C6orf132: variants seen among roughly 807,000 people sequenced by gnomAD.
C6orf132 encodes uncharacterized protein C6orf132.
A neutral mutation model predicts 65.3 loss-of-function variants in C6orf132; 43 were observed. The observed-to-expected ratio is 0.66, with a 90% CI of 0.52 to 0.85. C6orf132 has a LOEUF of 0.85. Ranked by LOEUF, C6orf132 falls within the 40% of genes least tolerant of loss-of-function variation. The probability of loss-of-function intolerance (pLI) is 0.00; values close to 1 mark genes in which losing one functional copy is unlikely to be tolerated. For missense variants in C6orf132, 1,488 were observed against 1,548.8 expected (o/e 0.96, Z 0.66); for synonymous variants, 631 against 654.1 (o/e 0.96, Z 0.54).
chr6:42,105,658 C>T lies in C6orf132; in HGVS notation c.2254G>A (p.Ala752Thr). ...GGAGATGTCTTTGGTGGGAAGGCTG[C>T]AGATGAGCGGGCTCCCTGTGTGGGC... ...RLPTQGARSS[A>T]AFPPKTSPGG... The change falls in exon 4 of 5, where the codon GCA becomes ACA. Residue 752 changes from alanine to threonine, a missense_variant. Coordinates refer to ENST00000341865, the MANE Select transcript of C6orf132 (RefSeq NM_001164446.3). The T allele has an allele frequency of 6.5e-7, 1 of 1,537,258 alleles. No homozygotes were observed. Among genetic ancestry groups the T allele is most frequent in the East Asian group, 2.4e-5 (1 of 40,928 alleles).
chr6:42,142,518 G>T lies in C6orf132; in HGVS notation c.-74C>A. ...CCTGCCCTGCCCCGGACTGAACTCA[G>T]CACGGTCTCCCCAGGGGACTCTACC... On this transcript the variant is annotated 5_prime_UTR_variant, in exon 1 of 5. The change creates a new upstream start codon in the 5' untranslated region. Transcript: ENST00000341865. 3 of 1,418,518 alleles carry T rather than the reference G, an allele frequency of 2.1e-6. No homozygotes were observed. Among genetic ancestry groups the T allele is most frequent in the Non-Finnish European group, 2.8e-6 (3 of 1,066,110 alleles). 87.9% of individuals were successfully genotyped at this position (1,418,518 alleles called of 1,614,324 possible).
At chr6:42,131,278 C>A (rs372523703) in intron 1 of C6orf132, among the ~76,000 whole-genome samples, 1 of 152,346 alleles carries the variant, frequency 6.6e-6, no homozygotes, top group East Asian at 1.9e-4. Flanking sequence ...ACCTCAGCAT[C>A]CCAAACTGCT....
chr6:42,138,677 G>C (rs1167459458), intron 1 of C6orf132, among the ~76,000 whole-genome samples: 1 of 152,130 alleles, frequency 6.6e-6, no homozygotes. Context: ...AGCAAACAAG[G>C]GTGTCCCATT....
intron 2 of C6orf132, among the ~76,000 whole-genome samples, chr6:42,112,194 A>G (rs1766507372): frequency 6.6e-6 from 1 of 152,226 alleles, no homozygotes; most frequent in Non-Finnish European, 1.5e-5. Context: ...TGTATAGAAG[A>G]GGATGTCATC....
chr6:42,111,878 C>T (rs1014984469), intron 2 of C6orf132, among the ~76,000 whole-genome samples: 16 of 152,114 alleles, frequency 1.1e-4, no homozygotes, highest in Middle Eastern at 3.2e-3. Context: ...AAAGTCCACA[C>T]ACCTGCTGTT....
chr6:42,125,694 C>A (rs112996959), intron 2 of C6orf132, among the ~76,000 whole-genome samples: 1 of 152,222 alleles, frequency 6.6e-6, no homozygotes, highest in African/African-American at 2.4e-5. Flanking sequence ...CCCAAAAGAA[C>A]TGCTCCCAGG....
In C6orf132 at chr6:42,131,601, G is replaced by A. The variant is rs554564185; in HGVS notation, c.146-2823C>T. 2.6e-5 allele frequency among the ~76,000 whole-genome samples: 4 copies of A among 152,284 alleles called. No individual in the cohort carries two copies. The East Asian group carries it at 7.7e-4, about 29-fold the overall frequency. On this transcript the variant is annotated intron_variant, in intron 1 of 4. Transcript: ENST00000341865. ...TACGGGGGTGAGGAAGGCTCGGCTC[G>A]GCTCTGGCCAAGGAGCAGCTCTGGG...
chr6:42,105,560 C>T lies in C6orf132; in HGVS notation c.2352G>A (p.Val784=). Residue 784 remains valine (V), a synonymous_variant, in exon 4 of 5, where the codon GTG becomes GTA. Coordinates refer to ENST00000341865, the MANE Select transcript of C6orf132 (RefSeq NM_001164446.3). The part of the protein sequence containing the change: ...HQSSLSREVA[V]VMPTLARGGA... Reference sequence around the variant, plus strand: ...CTCCTCTGGCCAGGGTGGGCATCACCACAGCAACCTCACGGCTGAGGCTGC... The same window carrying T: ...CTCCTCTGGCCAGGGTGGGCATCACTACAGCAACCTCACGGCTGAGGCTGC... 6.5e-7 allele frequency: 1 copy of T among 1,536,320 alleles called. No homozygotes were observed. The highest frequency in any genetic ancestry group is 8.7e-7 in the Non-Finnish European group (1 of 1,146,558).
chr6:42,105,729 G>T lies in C6orf132; in HGVS notation c.2183C>A (p.Pro728His), dbSNP rs1237001521. ...GGACCCCTCTCCCCTTGCCTGGGAG[G>T]GAGTGGAAACTTCTTGAGATGCTGG... ...EKPASQEVSTPSQARGEGSPS... is the reference protein window; with the variant it reads ...EKPASQEVSTHSQARGEGSPS... Residue 728 changes from proline (P) to histidine (H), a missense_variant, in exon 4 of 5, where the codon CCC (proline) becomes CAC (histidine). Transcript: ENST00000341865. The T allele has an allele frequency of 1.0e-5, 16 of 1,537,204 alleles. No individual in the cohort carries two copies. The highest frequency in any genetic ancestry group is 1.4e-5 in the African/African-American group (1 of 73,072).
At position 42,104,422 on chromosome 6, in the gene C6orf132, A is replaced by G; in HGVS notation, c.3449+41T>C. ...CTCCTTGGCCCTCGCCTGGCTTTCC[A>G]CCCCTCCTGGCTTCCCGCACCAGCC... On this transcript the variant is annotated intron_variant, in intron 4 of 4. Coordinates refer to ENST00000341865, the MANE Select transcript of C6orf132 (RefSeq NM_001164446.3). This position sits in a 1 kb window ranked among gnomAD's most constrained non-coding sequence, Gnocchi z 4.1. The G allele has an allele frequency of 8.1e-7, 1 of 1,228,714 alleles. No individual in the cohort carries two copies. The highest frequency in any genetic ancestry group is 1.6e-5 in the African/African-American group (1 of 64,194). 76.1% of individuals were successfully genotyped at this position (1,228,714 alleles called of 1,614,324 possible).
intron 1 of C6orf132, among the ~76,000 whole-genome samples, chr6:42,129,773 AT>A: frequency 6.6e-6 from 1 of 152,202 alleles, no homozygotes; most frequent in Non-Finnish European, 1.5e-5. Flanking sequence ...GCTTTCTTCC[AT>A]TTAACGAAGT....
At chr6:42,107,879 C>T (rs1010878340) in intron 3 of C6orf132, among the ~76,000 whole-genome samples, 5 of 152,100 alleles carry the variant, frequency 3.3e-5, no homozygotes, top group Non-Finnish European at 5.9e-5. Flanking sequence ...CCGGGACTCC[C>T]TTGCCCCCTG....
At position 42,142,456 on chromosome 6, in the gene C6orf132, C is replaced by A. The variant is rs1409287262; in HGVS notation, c.-12G>T. On this transcript the variant is annotated 5_prime_UTR_variant, in exon 1 of 5. Transcript: ENST00000341865. ...TGCTTCTTTTTCATGCTGCCGCAGC[C>A]CGCGCGGGCGCCAGGGAAGGACCTT... The A allele has an allele frequency of 3.2e-6, 5 of 1,549,180 alleles. No homozygotes were observed. The highest frequency in any genetic ancestry group is 4.4e-6 in the Non-Finnish European group (5 of 1,145,892).
chr6:42,121,283 T>C (rs956143866), intron 2 of C6orf132, among the ~76,000 whole-genome samples: 7 of 152,280 alleles, frequency 4.6e-5, no homozygotes, highest in African/African-American at 1.7e-4. Flanking sequence ...TCTGAGGAAA[T>C]GGGTTCTTCC....
At chr6:42,116,119 G>A (rs138916810) in intron 2 of C6orf132, among the ~76,000 whole-genome samples, 1,822 of 151,446 alleles carry the variant, frequency 0.012, 18 homozygotes, top group Non-Finnish European at 0.021. Flanking sequence ...TGGTGGAGAC[G>A]GGGTTTCACT....
rs1444699512 is a variant in C6orf132, at chr6:42,105,678, G to C, written c.2234C>G (p.Thr745Arg). Residue 745 changes from threonine (T) to arginine (R), a missense_variant, in exon 4 of 5, where the codon ACA (threonine) becomes AGA (arginine). Transcript: ENST00000341865. The part of the protein sequence containing the change: ...GSPSEATRLP[T>R]QGARSSAAFP... ...GGCTGCAGATGAGCGGGCTCCCTGT[G>C]TGGGCAGCCTAGTGGCCTCTGAGGG... 2 of 1,537,300 alleles carry C rather than the reference G, an allele frequency of 1.3e-6. No individual in the cohort carries two copies. The highest frequency in any genetic ancestry group is 1.7e-6 in the Non-Finnish European group (2 of 1,146,916).
In C6orf132 at chr6:42,138,403, C is replaced by T. The variant is rs956975591; in HGVS notation, c.145+3897G>A. Reference sequence around the variant, plus strand: ...GCCTCCTGAACTCGAGCAGTCCTCCCGCCTCAGCCTCCTGAGTAGCTGCAG... The same window carrying T: ...GCCTCCTGAACTCGAGCAGTCCTCCTGCCTCAGCCTCCTGAGTAGCTGCAG... On this transcript the variant is annotated intron_variant, in intron 1 of 4. Transcript: ENST00000341865. Among the ~76,000 whole-genome samples the T allele has an allele frequency of 5.9e-5, 9 of 152,238 alleles. No homozygotes were observed. The East Asian group carries it at 7.7e-4, about 13-fold the overall frequency.
intron 2 of C6orf132, among the ~76,000 whole-genome samples, chr6:42,112,635 C>G (rs746989918): frequency 1.3e-5 from 2 of 152,226 alleles, no homozygotes; most frequent in South Asian, 4.1e-4. Context: ...GAGCAACCCA[C>G]AGCCAAGCTC....
rs1021904450 is a variant in C6orf132, at chr6:42,141,554, A to C, written c.145+746T>G. Among the ~76,000 whole-genome samples the C allele has an allele frequency of 2.0e-5, 3 of 152,360 alleles. No homozygotes were observed. The East Asian group carries it at 5.8e-4, about 29-fold the overall frequency. ...GGTGCTTTTAGAGGCCTGCAGAGAC[A>C]CACCAGTCTGATTCCAGGGTCAGCG... On this transcript the variant is annotated intron_variant, in intron 1 of 4. Transcript: ENST00000341865.
Sources: allele counts gnomAD v4.1 joint callset (sites outside exome capture counted in the v4.1 genomes callset), GRCh38; gene constraint gnomAD v4.1.1; non-coding constraint Gnocchi (gnomAD v3.1); transcripts MANE v1.5; gene names NCBI Gene and HGNC (gene_info 2026-07-23, HGNC 2026-07-21).